The following DMD variants were observed in gnomAD, a reference collection of about 807,000 sequenced individuals.
The protein encoded by DMD is dystrophin.
Under a neutral mutation model 330.1 loss-of-function variants are expected in DMD, and 63 were observed. The observed-to-expected ratio is 0.19, with a 90% CI of 0.16 to 0.24. DMD has a LOEUF of 0.24. Among genes scored for constraint, DMD ranks in the 10% least tolerant of loss-of-function variants. The pLI is 1.00. For missense variants in DMD, 3,344 were observed against 2,684.1 expected (o/e 1.25, Z -5.43); for synonymous variants, 1,223 against 959.8 (o/e 1.27, Z -5.07).
chrX:32,525,424 G>C (rs888229632), intron 17 of DMD, among the ~76,000 whole-genome samples: 2 of 111,009 alleles, frequency 1.8e-5, no homozygotes, highest in African/African-American at 6.6e-5. Context: ...AGGGTTTCAA[G>C]GCCTCCCATG....
chrX:32,703,601 G>A (rs1433047838), intron 7 of DMD, among the ~76,000 whole-genome samples: 1 of 111,195 alleles, frequency 9.0e-6, no homozygotes, highest in Non-Finnish European at 1.9e-5. Context: ...ACTTTTTATG[G>A]GAAATCAAAA....
intron 44 of DMD, among the ~76,000 whole-genome samples, chrX:32,045,221 G>C (rs757279502): frequency 9.1e-6 from 1 of 109,758 alleles, no homozygotes; most frequent in African/African-American, 3.3e-5. Context: ...TTTTTTTCTT[G>C]TTGAAATATA....
intron 62 of DMD, among the ~76,000 whole-genome samples, chrX:31,298,549 C>A (rs2148061073): frequency 8.9e-6 from 1 of 111,874 alleles, no homozygotes; most frequent in African/African-American, 3.2e-5. Context: ...TGAGAATAAT[C>A]ATTGACCTAT....
At chrX:32,244,249 C>T (rs1282646832) in intron 43 of DMD, among the ~76,000 whole-genome samples, 24 of 106,254 alleles carry the variant, frequency 2.3e-4, no homozygotes, top group African/African-American at 6.2e-4. Flanking sequence ...CTGAGAATGA[C>T]GGTTTCCAGT....
intron 69 of DMD, 40 bp from the exon 70 acceptor site, chrX:31,178,845 A>G (rs773475055): frequency 8.4e-7 from 1 of 1,196,489 alleles, no homozygotes; most frequent in South Asian, 1.8e-5. Context: ...TTAGGACAGG[A>G]TGATTTCAAA....
chrX:32,903,060 G>T (rs766611083), intron 2 of DMD, among the ~76,000 whole-genome samples: 100 of 97,862 alleles, frequency 1.0e-3, no homozygotes, highest in Non-Finnish European at 1.3e-3. Flanking sequence ...AGGAGGCTGA[G>T]GCAAGAGAAT....
chrX:33,252,701 T>G (rs1342915094), intron 1 of DMD, among the ~76,000 whole-genome samples: 2 of 110,941 alleles, frequency 1.8e-5, no homozygotes, highest in Non-Finnish European at 3.8e-5. Flanking sequence ...GTCACTATGA[T>G]AATTTCGCTA....
chrX:32,080,574 C>G (rs1360308024), intron 44 of DMD, among the ~76,000 whole-genome samples: 1 of 111,751 alleles, frequency 8.9e-6, no homozygotes, highest in African/African-American at 3.3e-5. Context: ...AAAACTTAAC[C>G]TAAAATGTTC....
intron 55 of DMD, among the ~76,000 whole-genome samples, chrX:31,565,903 T>C (rs1681110089): frequency 8.9e-6 from 1 of 112,549 alleles, no homozygotes; most frequent in Non-Finnish European, 1.9e-5. Flanking sequence ...TTGCTATCTG[T>C]ATATCCTTTT....
chrX:33,311,807 G>A (rs1391663150), intron 1 of DMD, among the ~76,000 whole-genome samples: 1 of 110,268 alleles, frequency 9.1e-6, no homozygotes, highest in African/African-American at 3.3e-5. Context: ...GTGCCAAATG[G>A]TGCAGGGAGT....
chrX:31,273,400 A>C (rs1340170657), intron 62 of DMD, among the ~76,000 whole-genome samples: 1 of 112,210 alleles, frequency 8.9e-6, no homozygotes, highest in African/African-American at 3.2e-5. Context: ...TTACTGTCAG[A>C]GGTTCATTTC....
chrX:32,064,413 G>T (rs886399665), intron 44 of DMD, among the ~76,000 whole-genome samples: 2 of 110,793 alleles, frequency 1.8e-5, no homozygotes, highest in African/African-American at 6.5e-5. Context: ...GGGTTTCTGG[G>T]CTTTCTAGGT....
intron 17 of DMD, among the ~76,000 whole-genome samples, chrX:32,529,307 C>G (rs977735680): frequency 9.3e-6 from 1 of 107,535 alleles, no homozygotes; most frequent in African/African-American, 3.4e-5. Flanking sequence ...CCCCAACCAC[C>G]TTGGGCACAT....
chrX:31,858,650 A>G (rs3859981), intron 48 of DMD, among the ~76,000 whole-genome samples: 11,666 of 110,129 alleles, frequency 0.11, 540 homozygotes, highest in African/African-American at 0.15. Context: ...TAATTTATAT[A>G]TATGTATTAT....
chrX:31,332,278 G>A (rs1229335808), intron 61 of DMD, among the ~76,000 whole-genome samples: 2 of 112,358 alleles, frequency 1.8e-5, no homozygotes, highest in South Asian at 3.7e-4. Context: ...GCATGCTTCA[G>A]TATGAAGTAG....
At chrX:31,970,730 G>A (rs147948875) in intron 44 of DMD, among the ~76,000 whole-genome samples, 1 of 110,694 alleles carries the variant, frequency 9.0e-6, no homozygotes, top group Non-Finnish European at 1.9e-5. Context: ...TACAGCCCTC[G>A]GTGTATATTG....
intron 13 of DMD, among the ~76,000 whole-genome samples, chrX:32,579,157 T>G (rs1294212972): frequency 9.0e-6 from 1 of 111,679 alleles, no homozygotes; most frequent in African/African-American, 3.3e-5. Context: ...TTCTACAAAC[T>G]GAACTGAAGC....
intron 55 of DMD, among the ~76,000 whole-genome samples, chrX:31,559,640 C>CAAAAAAAAAAAAAAAAAAAAAA (rs1167550498): frequency 9.2e-5 from 2 of 21,638 alleles, no homozygotes; most frequent in Non-Finnish European, 1.0e-4. Flanking sequence ...AACTCCGTCT[C>CAAAAAAAAAAAAAAAAAAAAAA]AAAAAAAAAA....
intron 44 of DMD, among the ~76,000 whole-genome samples, chrX:32,063,313 A>G (rs2096240756): frequency 9.0e-6 from 1 of 110,601 alleles, no homozygotes; most frequent in African/African-American, 3.3e-5. Context: ...GGAGTGATCA[A>G]TTGCCTATGA....
Sources: allele counts gnomAD v4.1 joint callset (sites outside exome capture counted in the v4.1 genomes callset), GRCh38; gene constraint gnomAD v4.1.1; transcripts MANE v1.5; gene names NCBI Gene and HGNC (gene_info 2026-07-23, HGNC 2026-07-21).